XYLT1: variants seen among roughly 807,000 people sequenced by gnomAD.
XYLT1 encodes beta-D-xylosyltransferase 1.
A neutral mutation model predicts 91.3 loss-of-function variants in XYLT1; 36 were observed. The ratio of observed to expected loss-of-function variants is 0.39; its 90% CI spans 0.30 to 0.52. The LOEUF (loss-of-function observed/expected upper bound fraction) is 0.52, where lower values mean the gene tolerates loss of function less well. Among genes scored for constraint, XYLT1 ranks in the 20% least tolerant of loss-of-function variants. The probability of loss-of-function intolerance (pLI) is 0.68; values close to 1 mark genes in which losing one functional copy is unlikely to be tolerated. For synonymous variants in XYLT1, 588 were observed against 532.0 expected, an observed-to-expected ratio of 1.11 and a Z score of -1.45; for missense variants, 1,242 against 1,284.5, an observed-to-expected ratio of 0.97 and a Z score of 0.51.
chr16:17,132,523 TGAG>T (rs2030523070), intron 9 of XYLT1, among the ~76,000 whole-genome samples: 2 of 148,936 alleles, frequency 1.3e-5, no homozygotes, highest in Admixed American at 6.7e-5. Flanking sequence ...ACCTGAACCC[TGAG>T]CAGTTAGTAC....
intron 1 of XYLT1, among the ~76,000 whole-genome samples, chr16:17,364,664 G>A (rs950678277): frequency 4.6e-5 from 7 of 152,122 alleles, no homozygotes; most frequent in Middle Eastern, 3.2e-3. Context: ...CCAAGCATAC[G>A]AAATTCCTGC....
intron 3 of XYLT1, among the ~76,000 whole-genome samples, chr16:17,252,695 T>G (rs549286963): frequency 6.6e-6 from 1 of 152,276 alleles, no homozygotes; most frequent in East Asian, 1.9e-4. Context: ...GCTTCTGGAC[T>G]CGACATTTTC....
intron 2 of XYLT1, among the ~76,000 whole-genome samples, chr16:17,292,617 C>T (rs763420660): frequency 4.6e-5 from 7 of 152,082 alleles, no homozygotes; most frequent in Non-Finnish European, 7.4e-5. Context: ...AACAGACTGG[C>T]GATGAAGGAG....
chr16:17,146,783 A>C (rs2031144215), intron 6 of XYLT1, among the ~76,000 whole-genome samples: 1 of 152,138 alleles, frequency 6.6e-6, no homozygotes, highest in Non-Finnish European at 1.5e-5. Flanking sequence ...CAAGCAATAC[A>C]TCTCATATGG....
chr16:17,379,495 C>T (rs181660750), intron 1 of XYLT1, among the ~76,000 whole-genome samples: 1 of 152,186 alleles, frequency 6.6e-6, no homozygotes. Flanking sequence ...GGGAACCTGG[C>T]CCCCGGAGGA....
Position 17,108,824 on chromosome 16 carries a change from C to T in XYLT1, c.2751G>A (p.Met917Ile). The T allele has an allele frequency of 6.2e-7, 1 of 1,612,836 alleles. No individual in the cohort carries two copies. The highest frequency in any genetic ancestry group is 8.5e-7 in the Non-Finnish European group (1 of 1,179,948). Residue 917 changes from methionine to isoleucine, a missense_variant, in exon 12 of 12, where the codon ATG (methionine) becomes ATA (isoleucine). Around this residue, in one of 3 missense-constraint regions of XYLT1, gnomAD observed 511 missense variants for 497.0 expected, o/e 1.03. Coordinates refer to ENST00000261381, the MANE Select transcript of XYLT1 (RefSeq NM_022166.4). ...DSLVGGMWTAMDICATGPTAC... is the reference protein window; with the variant it reads ...DSLVGGMWTAIDICATGPTAC... Reference sequence around the variant, plus strand: ...CTGTGGGGCCCGTGGCACAGATGTCCATGGCAGTCCACATCCCGCCCACCA... The same window carrying T: ...CTGTGGGGCCCGTGGCACAGATGTCTATGGCAGTCCACATCCCGCCCACCA...
chr16:17,345,042 A>G (rs536647871), intron 2 of XYLT1, among the ~76,000 whole-genome samples: 180 of 152,284 alleles, frequency 1.2e-3, no homozygotes, highest in Non-Finnish European at 2.1e-3. Context: ...ATGTCTGAAC[A>G]TACCCCAGGC....
intron 2 of XYLT1, among the ~76,000 whole-genome samples, chr16:17,263,928 C>T (rs1174072475): frequency 2.6e-5 from 4 of 152,034 alleles, no homozygotes; most frequent in East Asian, 1.9e-4. Flanking sequence ...AGGCTGGTCT[C>T]GAACTCCTGA....
chr16:17,200,484 T>G lies in XYLT1; in HGVS notation c.1084A>C (p.Lys362Gln), dbSNP rs1173434812. Reference protein sequence around the residue: ...KDHFYYIHVDKRSNYLHRQVL... With the variant: ...KDHFYYIHVDQRSNYLHRQVL... The stretch of plus-strand genomic sequence containing the variant: ...GGGTGATCACAGAGGCCTCTCACCT[T>G]GTCCACGTGGATGTAGTAGAAGTGG... Residue 362 changes from lysine (K) to glutamine (Q), a missense_variant and splice_region_variant, in exon 4 of 12, where the codon AAG becomes CAG. Transcript: ENST00000261381. The G allele has an allele frequency of 6.2e-7, 1 of 1,612,212 alleles. No individual in the cohort carries two copies. Among genetic ancestry groups the G allele is most frequent in the African/African-American group, 1.3e-5 (1 of 74,888 alleles).
intron 9 of XYLT1, among the ~76,000 whole-genome samples, chr16:17,133,218 C>T (rs993941409): frequency 4.6e-5 from 7 of 151,982 alleles, no homozygotes; most frequent in African/African-American, 1.2e-4. Context: ...AGGGATGAGA[C>T]ACCAGGTGGG....
chr16:17,249,474 A>G (rs1004818646), intron 3 of XYLT1, among the ~76,000 whole-genome samples: 1 of 152,226 alleles, frequency 6.6e-6, no homozygotes, highest in African/African-American at 2.4e-5. Flanking sequence ...TTTCCCCACC[A>G]TCTAAACCAA....
At chr16:17,148,409 T>C (rs2031193501) in intron 6 of XYLT1, among the ~76,000 whole-genome samples, 1 of 152,226 alleles carries the variant, frequency 6.6e-6, no homozygotes, top group Admixed American at 6.5e-5. Flanking sequence ...ACTCACTAGA[T>C]GTAAGCTGCA....
chr16:17,236,841 G>A (rs186499428), intron 3 of XYLT1, among the ~76,000 whole-genome samples: 1 of 152,280 alleles, frequency 6.6e-6, no homozygotes. Context: ...ACACAGTCAT[G>A]TTGGATTAGG....
intron 2 of XYLT1, among the ~76,000 whole-genome samples, chr16:17,348,079 C>G (rs2035169974): frequency 1.3e-5 from 2 of 152,096 alleles, no homozygotes; most frequent in Admixed American, 1.3e-4. Flanking sequence ...AAAGTCCTTG[C>G]TGATGAAACC....
At chr16:17,330,633 A>AT (rs1567377662) in intron 2 of XYLT1, among the ~76,000 whole-genome samples, 2 of 151,836 alleles carry the variant, frequency 1.3e-5, no homozygotes, top group African/African-American at 4.8e-5. Flanking sequence ...CTAAAAATAA[A>AT]AAAAAAAAAA....
At chr16:17,409,001 T>C (rs750150620) in intron 1 of XYLT1, among the ~76,000 whole-genome samples, 53 of 152,158 alleles carry the variant, frequency 3.5e-4, no homozygotes, top group Non-Finnish European at 5.7e-4. Flanking sequence ...CTCTAGAAAC[T>C]GGTCCAAACA....
At chr16:17,410,531 C>A (rs1225835850) in intron 1 of XYLT1, among the ~76,000 whole-genome samples, 1 of 152,080 alleles carries the variant, frequency 6.6e-6, no homozygotes, top group Non-Finnish European at 1.5e-5. Flanking sequence ...GACTCACCCC[C>A]ATGATTAAAT....
At chr16:17,300,413 A>G (rs1009326179) in intron 2 of XYLT1, among the ~76,000 whole-genome samples, 3 of 151,256 alleles carry the variant, frequency 2.0e-5, no homozygotes, top group Non-Finnish European at 2.9e-5. Context: ...TGTGAATGCA[A>G]ATGCAAAATA....
At position 17,109,162 on chromosome 16, in the gene XYLT1, G is replaced by C. The variant is rs1289865431; in HGVS notation, c.2558-145C>G. The C allele has an allele frequency of 4.4e-6, 4 of 913,334 alleles. No homozygotes were observed. The African/African-American group carries it at 6.8e-5, about 15-fold the overall frequency. 56.6% of individuals were successfully genotyped at this position (913,334 alleles called of 1,614,324 possible). ...ACAATCTCATGAGGAAGTTCTTTTA[G>C]CAGTCCCATTTCACAGCTGAGAAAA... On this transcript the variant is annotated intron_variant, in intron 11 of 11. Coordinates refer to ENST00000261381, the MANE Select transcript of XYLT1 (RefSeq NM_022166.4).
Sources: gnomAD v4.1 joint callset for allele counts (sites outside exome capture counted in the v4.1 genomes callset) on GRCh38, gnomAD v4.1.1 for gene constraint, gnomAD v4.1.1 regional missense constraint, MANE v1.5 for transcripts, NCBI Gene and HGNC (gene_info 2026-07-23, HGNC 2026-07-21) for gene names.